The following NDRG4 variants were observed in gnomAD, a reference collection of about 807,000 sequenced individuals.
The protein encoded by NDRG4 is protein NDRG4.
Under a neutral mutation model 55.8 loss-of-function variants are expected in NDRG4, and 38 were observed. The ratio of observed to expected loss-of-function variants is 0.68; its 90% CI spans 0.53 to 0.89. The LOEUF is 0.89. Among genes scored for constraint, NDRG4 ranks in the 40% least tolerant of loss-of-function variants. NDRG4 has a pLI of 0.00. For synonymous variants in NDRG4, 190 were observed against 182.7 expected, an observed-to-expected ratio of 1.04 and a Z score of -0.32; for missense variants, 455 against 468.6, an observed-to-expected ratio of 0.97 and a Z score of 0.27.
chr16:58,477,878 G>T lies in NDRG4; in HGVS notation c.-23-9878G>T, dbSNP rs1219133746. Among the ~76,000 whole-genome samples the T allele has an allele frequency of 2.0e-5, 3 of 152,136 alleles. No individual in the cohort carries two copies. The East Asian group carries it at 5.8e-4, about 29-fold the overall frequency. On this transcript the variant is annotated intron_variant, in intron 1 of 15. Transcript: ENST00000258187. ...AAGGGAAAAATAGTAACATTTCAGT[G>T]GAGAAACCTGGCAGAGAGCTCCTTA...
At chr16:58,504,008 A>G (rs1597296042) in intron 2 of NDRG4, 105 bp downstream of exon 2, 6 of 1,539,804 alleles carry the variant, frequency 3.9e-6, no homozygotes, top group Middle Eastern at 3.9e-4. Context: ...ACTCACACTC[A>G]CCTCTGTTGC....
upstream of NDRG4, among the ~76,000 whole-genome samples, chr16:58,496,140 A>T (rs571065838): frequency 7.9e-5 from 12 of 152,292 alleles, no homozygotes; most frequent in East Asian, 2.3e-3. Flanking sequence ...CGACGCCAAC[A>T]GTGCTGATGC....
chr16:58,476,352 A>G (rs1211334595), intron 1 of NDRG4, among the ~76,000 whole-genome samples: 2 of 152,230 alleles, frequency 1.3e-5, no homozygotes, highest in Non-Finnish European at 2.9e-5. Flanking sequence ...TTCTAGTTCC[A>G]TCTGGCCTTG....
chr16:58,506,270 C>T (rs756988629), intron 5 of NDRG4, 117 bp from the exon 6 acceptor site: 2 of 967,664 alleles, frequency 2.1e-6, no homozygotes, highest in Admixed American at 3.4e-5. Flanking sequence ...GGTGTGCATG[C>T]ACAGACCCGG....
At chr16:58,503,630 T>A (rs146737826) in intron 1 of NDRG4, 168 bp from the exon 2 acceptor site, 2 of 1,331,334 alleles carry the variant, frequency 1.5e-6, no homozygotes, top group Non-Finnish European at 2.1e-6. Flanking sequence ...GAAGGGGTGT[T>A]CCATCCATTC....
At chr16:58,504,774 A>G (rs1597304444) in intron 5 of NDRG4, 125 bp downstream of exon 5, 1 of 934,658 alleles carries the variant, frequency 1.1e-6, no homozygotes, top group Non-Finnish European at 1.7e-6. Flanking sequence ...TCCTCCTCCC[A>G]CCTCCTCTTT....
At chr16:58,509,467 C>A (rs2038497368) in intron 13 of NDRG4, 115 bp downstream of exon 13, 1 of 1,110,934 alleles carries the variant, frequency 9.0e-7, no homozygotes, top group Non-Finnish European at 1.3e-6. Flanking sequence ...AGTAGGGAGC[C>A]CATAAGCATA....
At chr16:58,465,513 A>G (rs2031435834) in intron 1 of NDRG4, among the ~76,000 whole-genome samples, 1 of 129,268 alleles carries the variant, frequency 7.7e-6, no homozygotes, top group East Asian at 2.6e-4. Context: ...GGGGAGAGGT[A>G]TGGAGGCTGA....
chr16:58,509,250 T>A lies in NDRG4; in HGVS notation c.814-51T>A, dbSNP rs747384613. The stretch of plus-strand genomic sequence containing the variant: ...GGGAGGGGGAAGCCTCTACCCTACC[T>A]GCTAATCCTAGGCAGCCAATGAAAG... On this transcript the variant is annotated intron_variant, in intron 12 of 14. Transcript: ENST00000570248. 7 of 1,613,826 alleles carry A rather than the reference T, an allele frequency of 4.3e-6. No homozygotes were observed. The South Asian group carries it at 6.6e-5, about 15-fold the overall frequency.
intron 1 of NDRG4, among the ~76,000 whole-genome samples, chr16:58,476,476 TCTTA>T (rs1472359280): frequency 2.0e-5 from 3 of 152,196 alleles, no homozygotes; most frequent in Non-Finnish European, 2.9e-5. Context: ...TACATCACCT[TCTTA>T]CTTTATGAAA....
rs759230853 is a variant in NDRG4, at chr16:58,507,815, G to T, written c.628G>T (p.Asp210Tyr). ...CCTCCCCCTGCCCCACAGCCGCAGA[G>T]ACCTGGACATTAACCGGCCTGGAAC... ...LFWNMYNSRR[D>Y]LDINRPGTVP... The change falls in exon 9 of 15, where the codon GAC becomes TAC. Residue 210 changes from aspartate to tyrosine, a missense_variant. Coordinates refer to ENST00000570248, the MANE Select transcript of NDRG4 (RefSeq NM_001242835.2). The T allele has an allele frequency of 6.2e-6, 10 of 1,613,822 alleles. No individual in the cohort carries two copies. The East Asian group carries it at 2.2e-4, about 36-fold the overall frequency.
Position 58,511,487 on chromosome 16 carries a change from G to T in NDRG4, c.970G>T (p.Val324Leu). The T allele has an allele frequency of 6.2e-7, 1 of 1,612,904 alleles. No individual in the cohort carries two copies. The highest frequency in any genetic ancestry group is 8.5e-7 in the Non-Finnish European group (1 of 1,179,930). The change falls in exon 15 of 15, where the codon GTG becomes TTG. Residue 324 changes from valine (V) to leucine (L), a missense_variant. Val to Leu is a conservative substitution (Grantham distance 32). Coordinates refer to ENST00000570248, the MANE Select transcript of NDRG4 (RefSeq NM_001242835.2). ...TGCATCCCTCACCAGTGCCAGCTCG[G>T]TGGATGGCAGCCGCCCACAGGCCTG... ...RTASLTSASS[V>L]DGSRPQACTH... is the part of the protein sequence containing the mutation.
At chr16:58,487,358 T>TA (rs1387706154) in intron 1 of NDRG4, among the ~76,000 whole-genome samples, 1 of 151,908 alleles carries the variant, frequency 6.6e-6, no homozygotes, top group African/African-American at 2.4e-5. Flanking sequence ...CCGTCTTTAC[T>TA]AAAAAACACA....
intron 1 of NDRG4, chr16:58,487,641 C>T: frequency 1.3e-6 from 1 of 746,646 alleles, no homozygotes; most frequent in Non-Finnish European, 2.1e-6. Context: ...CGCTTGGGGG[C>T]CAGGGGGACA....
chr16:58,479,931 A>T (rs932869955), intron 1 of NDRG4, among the ~76,000 whole-genome samples: 3 of 152,092 alleles, frequency 2.0e-5, no homozygotes, highest in Admixed American at 2.0e-4. Flanking sequence ...CATTGAGTGC[A>T]TAGTATTTTC....
intron 1 of NDRG4, among the ~76,000 whole-genome samples, chr16:58,484,521 G>A (rs554184859): frequency 6.6e-6 from 1 of 152,330 alleles, no homozygotes; most frequent in African/African-American, 2.4e-5. Context: ...ATGCCAGCCT[G>A]GTTGCAGTGG....
chr16:58,500,756 AG>A, intron 1 of NDRG4: 4 of 414,046 alleles, frequency 9.7e-6, no homozygotes, highest in Middle Eastern at 6.1e-4. Flanking sequence ...CTGTGCGTGC[AG>A]GGGCTGCCGT....
chr16:58,510,867 G>A, intron 14 of NDRG4, 184 bp downstream of exon 14: 3 of 632,796 alleles, frequency 4.7e-6, no homozygotes, highest in South Asian at 1.8e-5. Context: ...TAGGTTGGCT[G>A]GGTTGCAGAG....
chr16:58,509,476 T>C (rs1043321492), intron 13 of NDRG4, 124 bp downstream of exon 13: 13 of 1,033,958 alleles, frequency 1.3e-5, no homozygotes, highest in African/African-American at 4.8e-5. Flanking sequence ...CCCATAAGCA[T>C]AGGAGTTTTG....
Sources: allele counts gnomAD v4.1 joint callset (sites outside exome capture counted in the v4.1 genomes callset), GRCh38; gene constraint gnomAD v4.1.1; transcripts MANE v1.5; gene names NCBI Gene and HGNC (gene_info 2026-07-23, HGNC 2026-07-21).